The following PC variants were observed in gnomAD, a reference collection of about 807,000 sequenced individuals.
PC encodes the protein pyruvate carboxylase, also known as pyruvate carboxylase, mitochondrial.
A neutral mutation model predicts 107.8 loss-of-function variants in PC; 46 were observed. That is an observed-to-expected ratio of 0.43 (90% CI 0.34 to 0.55). PC has a LOEUF of 0.55. Among genes scored for constraint, PC ranks in the 20% least tolerant of loss-of-function variants. PC has a pLI of 0.04. For missense variants in PC, 1,241 were observed against 1,643.1 expected (o/e 0.76, Z 4.23); for synonymous variants, 662 against 684.7 (o/e 0.97, Z 0.52).
chr11:66,931,381 C>CA (rs779199324), intron 3 of PC, among the ~76,000 whole-genome samples: 21 of 58,206 alleles, frequency 3.6e-4, no homozygotes, highest in Non-Finnish European at 5.0e-4. Context: ...GATTCCATCT[C>CA]AAGAAAAAAA....
intron 3 of PC, among the ~76,000 whole-genome samples, chr11:66,947,394 T>G (rs553862255): frequency 2.7e-5 from 4 of 150,404 alleles, no homozygotes; most frequent in Non-Finnish European, 4.4e-5. Flanking sequence ...CCATTCTGGC[T>G]AACACAGTGA....
rs749776813 is a variant in PC, at chr11:66,857,862, C to A, written c.1369-4479G>T. On this transcript the variant is annotated intron_variant, in intron 12 of 22. Coordinates refer to ENST00000393960, the MANE Select transcript of PC (RefSeq NM_001040716.2). The surrounding 1 kb of genome is among the most constrained non-coding windows in gnomAD (Gnocchi z 7.1). ...CACCCTCTGTGCCCACCGAGGCCTG[C>A]TGTTTGTGCCGCCCAACGTGGACCG... 6.2e-7 allele frequency: 1 copy of A among 1,609,856 alleles called. No individual in the cohort carries two copies. The highest frequency in any genetic ancestry group is 2.2e-5 in the East Asian group (1 of 44,868).
intron 3 of PC, among the ~76,000 whole-genome samples, chr11:66,885,967 C>T (rs1432437328): frequency 2.6e-5 from 4 of 152,224 alleles, no homozygotes; most frequent in Non-Finnish European, 4.4e-5. Flanking sequence ...AAAATACCCC[C>T]CTCTCATCCG....
intron 3 of PC, among the ~76,000 whole-genome samples, chr11:66,905,580 A>G (rs959093202): frequency 6.6e-6 from 1 of 152,248 alleles, no homozygotes; most frequent in South Asian, 2.1e-4. Flanking sequence ...GAACTGGTCC[A>G]TATTAGGGAT....
intron 3 of PC, among the ~76,000 whole-genome samples, chr11:66,937,713 C>T (rs1466220429): frequency 2.0e-5 from 3 of 151,774 alleles, no homozygotes; most frequent in African/African-American, 7.3e-5. Context: ...ATCTGCTGTT[C>T]AGCCTCTAGT....
chr11:66,872,864 C>T (rs374326244), intron 3 of PC, among the ~76,000 whole-genome samples: 3 of 148,450 alleles, frequency 2.0e-5, no homozygotes, highest in South Asian at 2.2e-4. Flanking sequence ...GGTGAAACCC[C>T]GCCTCTTACT....
At chr11:66,911,833 C>A (rs529823386) in intron 3 of PC, among the ~76,000 whole-genome samples, 1 of 152,132 alleles carries the variant, frequency 6.6e-6, no homozygotes, top group African/African-American at 2.4e-5. Context: ...GAGTTCGAGA[C>A]CAGCCTGACC....
intron 3 of PC, among the ~76,000 whole-genome samples, chr11:66,882,237 C>G (rs892071789): frequency 2.6e-5 from 4 of 152,268 alleles, no homozygotes; most frequent in Admixed American, 2.6e-4. Flanking sequence ...AAGTTTTGTT[C>G]CAGACAACAA....
intron 3 of PC, among the ~76,000 whole-genome samples, chr11:66,911,995 T>G (rs1948347977): frequency 6.6e-6 from 1 of 151,822 alleles, no homozygotes; most frequent in Non-Finnish European, 1.5e-5. Flanking sequence ...ATCGCGCCAT[T>G]GCACTCCAGC....
chr11:66,940,041 A>T (rs1949091821), intron 3 of PC, among the ~76,000 whole-genome samples: 1 of 152,130 alleles, frequency 6.6e-6, no homozygotes, highest in South Asian at 2.1e-4. Context: ...ACAAAAAGCA[A>T]AGATAGACAA....
In PC at chr11:66,858,857, G is replaced by A. The variant is rs1946052889; in HGVS notation, c.1368+4917C>T. On this transcript the variant is annotated intron_variant, in intron 12 of 22. Transcript: ENST00000393960. This position sits in a 1 kb window ranked among gnomAD's most constrained non-coding sequence, Gnocchi z 5.9. ...GAGTAGAACTGCGGGTGCTGGCCTT[G>A]CCCCATGGTGGGAACAGCAGTGCCG... The A allele has an allele frequency of 1.0e-5, 16 of 1,554,290 alleles. No homozygotes were observed. The highest frequency in any genetic ancestry group is 1.4e-5 in the Non-Finnish European group (16 of 1,150,032).
At chr11:66,934,283 C>T (rs1486958899) in intron 3 of PC, among the ~76,000 whole-genome samples, 1 of 152,180 alleles carries the variant, frequency 6.6e-6, no homozygotes, top group Non-Finnish European at 1.5e-5. Flanking sequence ...TTAACAGAGC[C>T]ACCATTACGG....
rs1422499333 is a variant in PC, at chr11:66,849,147, C to T, written c.3289G>A (p.Glu1097Lys). The change falls in exon 23 of 23, where the codon GAG (glutamate) becomes AAG (lysine). Residue 1097 changes from glutamate to lysine, a missense_variant and splice_region_variant. Glu to Lys is a moderately conservative substitution (Grantham distance 56, BLOSUM62 1). Transcript: ENST00000393960. ...AGGGCCTTGGGGTGGAAGTGCATCTCCTGAAGACACAGGGCAGAGGGGACA... is the reference window on the plus strand; with the variant it reads ...AGGGCCTTGGGGTGGAAGTGCATCTTCTGAAGACACAGGGCAGAGGGGACA... ...ILVKDTQAMK[E>K]MHFHPKALKD... The T allele has an allele frequency of 6.2e-7, 1 of 1,613,842 alleles. No homozygotes were observed. Among genetic ancestry groups the T allele is most frequent in the East Asian group, 2.2e-5 (1 of 44,886 alleles).
intron 3 of PC, among the ~76,000 whole-genome samples, chr11:66,931,365 T>G (rs1451057965): frequency 8.6e-5 from 9 of 105,100 alleles, no homozygotes; most frequent in Admixed American, 2.7e-4. Context: ...GACAGCAGAG[T>G]GGCAAGATTC....
intron 3 of PC, among the ~76,000 whole-genome samples, chr11:66,932,739 G>C (rs1170979408): frequency 6.6e-6 from 1 of 152,098 alleles, no homozygotes; most frequent in African/African-American, 2.4e-5. Flanking sequence ...AAAGAAAGAA[G>C]CCAGATACAG....
intron 3 of PC, among the ~76,000 whole-genome samples, chr11:66,898,247 C>T (rs767952101): frequency 2.0e-5 from 3 of 152,200 alleles, no homozygotes; most frequent in Non-Finnish European, 4.4e-5. Flanking sequence ...CCAGGGCCAG[C>T]GGTCACAGCC....
intron 3 of PC, among the ~76,000 whole-genome samples, chr11:66,931,384 G>GAAA (rs60081578): frequency 2.5e-4 from 21 of 84,942 alleles, no homozygotes; most frequent in South Asian, 5.1e-4. Flanking sequence ...TCCATCTCAA[G>GAAA]AAAAAAAAAA....
intron 12 of PC, among the ~76,000 whole-genome samples, chr11:66,854,961 CAG>C (rs1945714899): frequency 6.6e-6 from 1 of 152,162 alleles, no homozygotes; most frequent in African/African-American, 2.4e-5. Context: ...CCCGAGCGCG[CAG>C]AGTGAGAAGG....
At position 66,849,777 on chromosome 11, in the gene PC, A is replaced by G; in HGVS notation, c.2981T>C (p.Leu994Pro). ...CACCTCCTCCCCATGCCGGTCTACC[A>G]GCTCCTTCTCCAGTGCCTGCAGATC... ...PLDLQALEKELVDRHGEEVTP... is the reference protein window; with the variant it reads ...PLDLQALEKEPVDRHGEEVTP... Residue 994 changes from leucine to proline, a missense_variant, in exon 21 of 23, where the codon CTG becomes CCG. Around this residue, in one of 2 missense-constraint regions of PC, gnomAD observed 1,143 missense variants for 1,551.9 expected, o/e 0.74. Transcript: ENST00000393960. 1.9e-6 allele frequency: 3 copies of G among 1,614,172 alleles called. No homozygotes were observed. Among genetic ancestry groups the G allele is most frequent in the Non-Finnish European group, 2.5e-6 (3 of 1,180,026 alleles).
Sources: allele counts gnomAD v4.1 joint callset (sites outside exome capture counted in the v4.1 genomes callset), GRCh38; gene constraint gnomAD v4.1.1; regional missense constraint gnomAD v4.1.1; non-coding constraint Gnocchi (gnomAD v3.1); transcripts MANE v1.5; gene names NCBI Gene and HGNC (gene_info 2026-07-23, HGNC 2026-07-21).